Variants in GPC5 observed in about 807,000 individuals in gnomAD.
GPC5 encodes the protein glypican 5.
In GPC5, 47 loss-of-function variants were observed where a neutral mutation model predicts 53.9. The ratio of observed to expected loss-of-function variants is 0.87; its 90% CI spans 0.69 to 1.11. The LOEUF is 1.11. GPC5 is among the 50% of genes most tolerant of loss of function. The probability of loss-of-function intolerance (pLI) is 0.00; values close to 1 mark genes in which losing one functional copy is unlikely to be tolerated. For missense variants in GPC5, 748 were observed against 713.1 expected (o/e 1.05, Z -0.56); for synonymous variants, 286 against 263.3 (o/e 1.09, Z -0.84).
At chr13:91,650,949 A>G (rs2034693960) in intron 2 of GPC5, among the ~76,000 whole-genome samples, 1 of 152,060 alleles carries the variant, frequency 6.6e-6, no homozygotes, top group Admixed American at 6.6e-5. Flanking sequence ...TATTGAGTAT[A>G]TTTCTAACAT....
chr13:92,323,143 C>T (rs994205813), intron 7 of GPC5, among the ~76,000 whole-genome samples: 3 of 151,088 alleles, frequency 2.0e-5, no homozygotes, highest in Admixed American at 6.6e-5. Flanking sequence ...TCTATGAAAT[C>T]GAAGAAATCA....
chr13:91,610,256 G>A (rs2033506035), intron 2 of GPC5, among the ~76,000 whole-genome samples: 1 of 152,142 alleles, frequency 6.6e-6, no homozygotes, highest in Non-Finnish European at 1.5e-5. Context: ...AAATATGAAT[G>A]TTGTCAAACT....
intron 5 of GPC5, among the ~76,000 whole-genome samples, chr13:91,832,932 C>CA (rs1174156443): frequency 1.3e-5 from 2 of 151,708 alleles, no homozygotes; most frequent in Non-Finnish European, 2.9e-5. Flanking sequence ...AAAAACCCTT[C>CA]AAAAAAATCA....
intron 2 of GPC5, among the ~76,000 whole-genome samples, chr13:91,671,251 T>G (rs1231906342): frequency 6.6e-6 from 1 of 152,174 alleles, no homozygotes; most frequent in Non-Finnish European, 1.5e-5. Context: ...TTTAGTAATA[T>G]GTTTTAGAGT....
At chr13:91,599,192 A>G (rs2033096173) in intron 2 of GPC5, among the ~76,000 whole-genome samples, 1 of 152,128 alleles carries the variant, frequency 6.6e-6, no homozygotes, top group Non-Finnish European at 1.5e-5. Flanking sequence ...ATATTATTCC[A>G]TACTTATAAT....
At chr13:92,856,994 A>T (rs978963295) in intron 7 of GPC5, among the ~76,000 whole-genome samples, 9 of 152,090 alleles carry the variant, frequency 5.9e-5, no homozygotes, top group Non-Finnish European at 1.3e-4. Context: ...TTTATATGGA[A>T]CAAAAAAAAG....
intron 6 of GPC5, among the ~76,000 whole-genome samples, chr13:92,083,263 C>T (rs2041310516): frequency 6.6e-6 from 1 of 152,120 alleles, no homozygotes; most frequent in Admixed American, 6.5e-5. Flanking sequence ...AAAGACACTG[C>T]TGGTGTCCAG....
chr13:92,395,778 G>C (rs1875240689), intron 7 of GPC5, among the ~76,000 whole-genome samples: 1 of 151,952 alleles, frequency 6.6e-6, no homozygotes, highest in African/African-American at 2.4e-5. Context: ...GGTTTTTAAT[G>C]GGAGTCCACT....
chr13:92,629,364 G>C (rs1012052621), intron 7 of GPC5, among the ~76,000 whole-genome samples: 4 of 152,150 alleles, frequency 2.6e-5, no homozygotes, highest in Non-Finnish European at 5.9e-5. Flanking sequence ...ATAGATGAAG[G>C]TATCAGGTCT....
intron 7 of GPC5, among the ~76,000 whole-genome samples, chr13:92,840,487 A>T (rs1403657598): frequency 3.3e-5 from 5 of 152,038 alleles, no homozygotes; most frequent in African/African-American, 9.7e-5. Flanking sequence ...CCAGGACTAC[A>T]CTGTTTAGAT....
At chr13:92,209,079 A>C (rs997941137) in intron 7 of GPC5, among the ~76,000 whole-genome samples, 2 of 152,252 alleles carry the variant, frequency 1.3e-5, no homozygotes, top group Non-Finnish European at 2.9e-5. Flanking sequence ...CAGAGAAACT[A>C]CAAATCTATA....
At chr13:92,674,121 G>C (rs920228796) in intron 7 of GPC5, among the ~76,000 whole-genome samples, 6 of 152,132 alleles carry the variant, frequency 3.9e-5, no homozygotes, top group Non-Finnish European at 7.4e-5. Flanking sequence ...GTAACTTTTT[G>C]TTTTGTGCAT....
intron 2 of GPC5, among the ~76,000 whole-genome samples, chr13:91,516,923 C>A (rs1029953585): frequency 1.3e-5 from 2 of 152,180 alleles, no homozygotes; most frequent in African/African-American, 4.8e-5. Flanking sequence ...CCGAGCTGTA[C>A]GTTGTCCCCT....
At chr13:92,304,506 C>T (rs1363165119) in intron 7 of GPC5, among the ~76,000 whole-genome samples, 3 of 152,070 alleles carry the variant, frequency 2.0e-5, no homozygotes, top group Non-Finnish European at 4.4e-5. Flanking sequence ...ACTCCACCCT[C>T]ATTTACTTTC....
chr13:92,583,844 G>C (rs1328466416), intron 7 of GPC5, among the ~76,000 whole-genome samples: 1 of 152,082 alleles, frequency 6.6e-6, no homozygotes, highest in Admixed American at 6.6e-5. Context: ...TCTTTCCTGT[G>C]TTGTTCTCAT....
intron 7 of GPC5, among the ~76,000 whole-genome samples, chr13:92,526,506 C>G: frequency 6.6e-6 from 1 of 152,024 alleles, no homozygotes; most frequent in Non-Finnish European, 1.5e-5. Context: ...GGAGCCAGAT[C>G]ACACAGGACC....
chr13:92,374,869 GAAAAA>G (rs560669472), intron 7 of GPC5, among the ~76,000 whole-genome samples: 1 of 124,310 alleles, frequency 8.0e-6, no homozygotes, highest in African/African-American at 3.1e-5. Flanking sequence ...AAAAAAAATA[GAAAAA>G]AAAAATAAAA....
chr13:92,732,391 C>T (rs1888831887), intron 7 of GPC5, among the ~76,000 whole-genome samples: 1 of 151,526 alleles, frequency 6.6e-6, no homozygotes, highest in African/African-American at 2.4e-5. Context: ...ATGTTATTTA[C>T]AACATTTGGA....
intron 5 of GPC5, among the ~76,000 whole-genome samples, chr13:91,861,143 A>T (rs1480739616): frequency 6.6e-6 from 1 of 152,154 alleles, no homozygotes; most frequent in Non-Finnish European, 1.5e-5. Flanking sequence ...CATTTGGCCT[A>T]TGTTGGTGAT....
Sources: gnomAD v4.1 joint callset for allele counts (sites outside exome capture counted in the v4.1 genomes callset) on GRCh38, gnomAD v4.1.1 for gene constraint, MANE v1.5 for transcripts, NCBI Gene and HGNC (gene_info 2026-07-23, HGNC 2026-07-21) for gene names.